The following TDP1 variants were observed in gnomAD, a reference collection of about 807,000 sequenced individuals.
TDP1 encodes the protein tyrosyl-DNA phosphodiesterase 1.
Under a neutral mutation model 81.5 loss-of-function variants are expected in TDP1, and 64 were observed. That is an observed-to-expected ratio of 0.79 (90% CI 0.64 to 0.97). The LOEUF (loss-of-function observed/expected upper bound fraction) is 0.97. Among genes scored for constraint, TDP1 ranks in the 50% least tolerant of loss-of-function variants. The pLI is 0.00. For synonymous variants in TDP1, 256 were observed against 264.3 expected, an observed-to-expected ratio of 0.97 and a Z score of 0.30; for missense variants, 723 against 743.8, an observed-to-expected ratio of 0.97 and a Z score of 0.33.
At chr14:89,983,320 C>G in intron 8 of TDP1, 1 of 337,950 alleles carries the variant, frequency 3.0e-6, no homozygotes, top group Non-Finnish European at 5.8e-6. Flanking sequence ...TGGGCTCCAG[C>G]CCTCATCACA....
intron 7 of TDP1, 58 bp downstream of exon 7, chr14:89,975,873 C>A: frequency 7.1e-7 from 1 of 1,414,608 alleles, no homozygotes; most frequent in Non-Finnish European, 1.0e-6. Context: ...GTCCATTACA[C>A]GGTTATTCTT....
intron 3 of TDP1, among the ~76,000 whole-genome samples, chr14:89,964,456 T>C (rs1189993211): frequency 2.0e-5 from 3 of 152,158 alleles, no homozygotes; most frequent in Non-Finnish European, 4.4e-5. Context: ...AGCAAATATA[T>C]GAAGTAACCA....
intron 14 of TDP1, among the ~76,000 whole-genome samples, chr14:89,999,727 T>A (rs1897029498): frequency 6.6e-6 from 1 of 152,214 alleles, no homozygotes; most frequent in Non-Finnish European, 1.5e-5. Context: ...TGATCACCCT[T>A]TGAAAGTAGG....
At chr14:90,042,446 A>G (rs2140360374) in intron 16 of TDP1, among the ~76,000 whole-genome samples, 1 of 152,312 alleles carries the variant, frequency 6.6e-6, no homozygotes, top group East Asian at 1.9e-4. Flanking sequence ...AATGTGACAC[A>G]GCTAGTAAGT....
intron 9 of TDP1, chr14:89,984,917 C>G (rs931533437): frequency 4.7e-5 from 46 of 984,804 alleles, no homozygotes; most frequent in Admixed American, 3.1e-4. Context: ...GTTACTCTCA[C>G]AATTATTGAG....
In TDP1 at chr14:89,991,949, G is replaced by A. The variant is rs772082290; in HGVS notation, c.1399G>A (p.Ala467Thr). 5 of 1,612,650 alleles carry A rather than the reference G, an allele frequency of 3.1e-6. No homozygotes were observed. The East Asian group carries it at 1.1e-4, about 36-fold the overall frequency. The change falls in exon 13 of 17, where the codon GCT becomes ACT. Residue 467 changes from alanine to threonine, a missense_variant. Transcript: ENST00000335725. ...GGSLPYSIQT[A>T]EKQNWLHSYF... ...CTCTCTTCCCTATAGCATCCAGACA[G>A]CTGAAAAACAGAATTGGCTGCATTC...
chr14:90,030,020 T>C (rs964786187), intron 15 of TDP1, among the ~76,000 whole-genome samples: 1 of 152,256 alleles, frequency 6.6e-6, no homozygotes, highest in African/African-American at 2.4e-5. Flanking sequence ...ATCATCTTCA[T>C]TTCATAAACG....
At chr14:89,985,708 T>C (rs879302683) in intron 10 of TDP1, among the ~76,000 whole-genome samples, 1 of 152,218 alleles carries the variant, frequency 6.6e-6, no homozygotes, top group African/African-American at 2.4e-5. Context: ...GTTTTTTTCA[T>C]CTCTTTTTAG....
chr14:89,965,995 A>G, intron 3 of TDP1, 152 bp from the exon 4 acceptor site: 1 of 1,053,916 alleles, frequency 9.5e-7, no homozygotes, highest in East Asian at 2.6e-5. Flanking sequence ...GAATTTTATG[A>G]AACATTAAAG....
chr14:89,962,276 T>A (rs997323519), intron 2 of TDP1, among the ~76,000 whole-genome samples: 1 of 152,158 alleles, frequency 6.6e-6, no homozygotes, highest in African/African-American at 2.4e-5. Flanking sequence ...CATACCTAAG[T>A]GGTCATTTGG....
intron 14 of TDP1, among the ~76,000 whole-genome samples, chr14:89,999,759 C>CA (rs1450583169): frequency 6.6e-5 from 10 of 152,276 alleles, no homozygotes; most frequent in Admixed American, 5.2e-4. Context: ...AAAACATTGC[C>CA]ATTGCTCAAG....
intron 3 of TDP1, 34 bp downstream of exon 3, chr14:89,963,707 A>G (rs1167299970): frequency 2.5e-6 from 4 of 1,612,072 alleles, no homozygotes; most frequent in Non-Finnish European, 3.4e-6. Flanking sequence ...GAGCTGTTGA[A>G]TTGCCCTTGA....
intron 6 of TDP1, among the ~76,000 whole-genome samples, chr14:89,975,020 A>G (rs1409289487): frequency 6.6e-6 from 1 of 152,200 alleles, no homozygotes; most frequent in Non-Finnish European, 1.5e-5. Flanking sequence ...CTAATATAAG[A>G]ACATTTCTAT....
intron 5 of TDP1, among the ~76,000 whole-genome samples, chr14:89,970,574 T>C (rs1002630239): frequency 2.0e-5 from 3 of 152,116 alleles, no homozygotes; most frequent in Non-Finnish European, 4.4e-5. Flanking sequence ...GAACTACTTA[T>C]GTGCCGTTTT....
At chr14:89,998,237 G>A (rs1243033763) in intron 14 of TDP1, among the ~76,000 whole-genome samples, 1 of 151,514 alleles carries the variant, frequency 6.6e-6, no homozygotes, top group Non-Finnish European at 1.5e-5. Context: ...TGCCCAATGA[G>A]TTAAGATCAA....
intron 6 of TDP1, among the ~76,000 whole-genome samples, chr14:89,973,049 G>T (rs1172244839): frequency 6.7e-6 from 1 of 149,526 alleles, no homozygotes; most frequent in Non-Finnish European, 1.5e-5. Flanking sequence ...TACAGTACAA[G>T]AGCTCAATCT....
chr14:90,033,426 C>T, intron 16 of TDP1: 1 of 622,306 alleles, frequency 1.6e-6, no homozygotes, highest in East Asian at 3.1e-5. Context: ...TATACAGATC[C>T]TTCCTGACTT....
chr14:89,988,812 G>C (rs1895854109), intron 10 of TDP1, 93 bp from the exon 11 acceptor site: 1 of 1,571,770 alleles, frequency 6.4e-7, no homozygotes, highest in African/African-American at 1.4e-5. Context: ...TGTTAATTAG[G>C]CTTTCCAAGA....
rs1566894745 is a variant in TDP1, at chr14:90,001,415, C to CT, written c.1541+7938dup. 2.0e-5 allele frequency among the ~76,000 whole-genome samples: 3 copies of CT among 152,174 alleles called. No individual in the cohort carries two copies. The South Asian group carries it at 6.2e-4, about 32-fold the overall frequency. Reference sequence around the variant, plus strand: ...AGAATCATAAAATCTGCACCAAAACCTTTTTTAATGAAGTTTCTGTTGAAC... The same window carrying CT: ...AGAATCATAAAATCTGCACCAAAACCTTTTTTTAATGAAGTTTCTGTTGAAC... On this transcript the variant is annotated intron_variant, in intron 14 of 16. Transcript: ENST00000335725.
Sources: gnomAD v4.1 joint callset for allele counts (sites outside exome capture counted in the v4.1 genomes callset) on GRCh38, gnomAD v4.1.1 for gene constraint, MANE v1.5 for transcripts, NCBI Gene and HGNC (gene_info 2026-07-23, HGNC 2026-07-21) for gene names.